PTPRT: variants seen among roughly 807,000 people sequenced by gnomAD.
PTPRT encodes protein tyrosine phosphatase receptor type T.
Under a neutral mutation model 176.8 loss-of-function variants are expected in PTPRT, and 56 were observed. That is an observed-to-expected ratio of 0.32 (90% CI 0.26 to 0.40). PTPRT has a LOEUF of 0.40. Among genes scored for constraint, PTPRT ranks in the 10% least tolerant of loss-of-function variants. The pLI, the probability that PTPRT is intolerant of heterozygous loss-of-function variation, is 1.00. For synonymous variants in PTPRT, 783 were observed against 739.0 expected, an observed-to-expected ratio of 1.06 and a Z score of -0.96; for missense variants, 1,540 against 1,908.2, an observed-to-expected ratio of 0.81 and a Z score of 3.60.
At chr20:42,214,205 TATGTC>T in intron 15 of PTPRT, among the ~76,000 whole-genome samples, 1 of 152,300 alleles carries the variant, frequency 6.6e-6, no homozygotes. Context: ...GATTCCCTGT[TATGTC>T]ACGCTTAGGC....
intron 6 of PTPRT, among the ~76,000 whole-genome samples, chr20:42,722,516 T>C (rs2076319111): frequency 1.3e-5 from 2 of 152,138 alleles, no homozygotes; most frequent in Admixed American, 1.3e-4. Flanking sequence ...CCAAAAGAAA[T>C]GCCTGTCGAT....
At chr20:42,239,413 C>CTTTTTTTTTTTTT (rs35978863) in intron 14 of PTPRT, among the ~76,000 whole-genome samples, 2 of 81,204 alleles carry the variant, frequency 2.5e-5, no homozygotes, top group Non-Finnish European at 4.6e-5. Flanking sequence ...CATTTTCTTT[C>CTTTTTTTTTTTTT]TTTTTTTTTT....
chr20:43,097,098 A>C (rs1316686903), intron 1 of PTPRT, among the ~76,000 whole-genome samples: 1 of 152,212 alleles, frequency 6.6e-6, no homozygotes, highest in African/African-American at 2.4e-5. Flanking sequence ...GGCCTCTGCA[A>C]AGGCATAATT....
Position 42,734,758 on chromosome 20 carries a change from A to G in PTPRT, c.859+21704T>C, listed in dbSNP as rs111819911. ...ATCTATTCCCTATGCCTCTCATTCC[A>G]GGAACTAGTCTGAAGGAGCTGTTGC... On this transcript the variant is annotated intron_variant, in intron 6 of 30. Coordinates refer to ENST00000373187, the MANE Select transcript of PTPRT (RefSeq NM_007050.6). Among the ~76,000 whole-genome samples the G allele has an allele frequency of 4.6e-5, 7 of 152,300 alleles. 1 individual carries two copies. Among genetic ancestry groups the G allele is most frequent in the African/African-American group, 1.4e-4 (6 of 41,556 alleles).
At chr20:43,077,358 C>T (rs1366096385) in intron 1 of PTPRT, among the ~76,000 whole-genome samples, 5 of 152,186 alleles carry the variant, frequency 3.3e-5, no homozygotes, top group African/African-American at 1.2e-4. Flanking sequence ...GAAGCTGAAT[C>T]CAAGTGGAAA....
intron 1 of PTPRT, among the ~76,000 whole-genome samples, chr20:43,037,434 G>T (rs1014179884): frequency 3.3e-5 from 5 of 152,128 alleles, no homozygotes; most frequent in Admixed American, 2.6e-4. Flanking sequence ...AAGCCTTCAG[G>T]GAACTGATGA....
At chr20:42,324,355 C>T (rs937105849) in intron 11 of PTPRT, among the ~76,000 whole-genome samples, 3 of 152,094 alleles carry the variant, frequency 2.0e-5, no homozygotes, top group African/African-American at 7.2e-5. Context: ...TTAGCAATTG[C>T]CTGGGACTGG....
chr20:43,062,553 C>T (rs1987512127), intron 1 of PTPRT, among the ~76,000 whole-genome samples: 2 of 152,182 alleles, frequency 1.3e-5, no homozygotes. Flanking sequence ...ATGTTCCTTA[C>T]TATTAGCTCT....
intron 1 of PTPRT, among the ~76,000 whole-genome samples, chr20:43,183,452 A>G (rs1286355690): frequency 1.3e-5 from 2 of 152,212 alleles, no homozygotes; most frequent in Non-Finnish European, 1.5e-5. Context: ...CCACATCACA[A>G]GTGCATTAGG....
chr20:42,558,572 A>G (rs998567500), intron 7 of PTPRT, among the ~76,000 whole-genome samples: 1 of 151,984 alleles, frequency 6.6e-6, no homozygotes, highest in Non-Finnish European at 1.5e-5. Context: ...TGTTGGTGGG[A>G]GTGTGTATTA....
intron 1 of PTPRT, among the ~76,000 whole-genome samples, chr20:43,099,447 C>A (rs2012304172): frequency 6.6e-6 from 1 of 152,172 alleles, no homozygotes; most frequent in African/African-American, 2.4e-5. Context: ...GTACTCTGGG[C>A]TAATGCTCTT....
intron 2 of PTPRT, among the ~76,000 whole-genome samples, chr20:42,850,682 C>T (rs563901385): frequency 6.6e-6 from 1 of 152,184 alleles, no homozygotes; most frequent in Non-Finnish European, 1.5e-5. Context: ...AGGCCAGCTG[C>T]TGGTTTAACC....
At chr20:42,159,254 C>G (rs149533340) in intron 17 of PTPRT, among the ~76,000 whole-genome samples, 4 of 150,938 alleles carry the variant, frequency 2.7e-5, no homozygotes, top group African/African-American at 9.8e-5. Flanking sequence ...TCCCATACTT[C>G]CAGTTTCTTT....
intron 1 of PTPRT, among the ~76,000 whole-genome samples, chr20:43,112,149 T>G (rs1298006930): frequency 1.3e-5 from 2 of 152,218 alleles, no homozygotes; most frequent in African/African-American, 4.8e-5. Flanking sequence ...CAGGGTGCTA[T>G]CCGAGGAACA....
chr20:42,231,939 G>T (rs1015979193), intron 15 of PTPRT, among the ~76,000 whole-genome samples: 2 of 152,112 alleles, frequency 1.3e-5, no homozygotes, highest in Admixed American at 6.5e-5. Context: ...GGGAAATATA[G>T]AATTCCTCTG....
intron 6 of PTPRT, among the ~76,000 whole-genome samples, chr20:42,700,015 A>G (rs937219122): frequency 6.6e-6 from 1 of 152,118 alleles, no homozygotes; most frequent in Non-Finnish European, 1.5e-5. Context: ...TCTCCCTGAC[A>G]ACAGCAGTGA....
chr20:43,132,908 T>TCA, intron 1 of PTPRT, among the ~76,000 whole-genome samples: 2 of 152,158 alleles, frequency 1.3e-5, no homozygotes, highest in Non-Finnish European at 2.9e-5. Flanking sequence ...TGACATATAA[T>TCA]TATATATGAG....
intron 11 of PTPRT, among the ~76,000 whole-genome samples, chr20:42,320,456 T>G (rs2057784375): frequency 6.6e-6 from 1 of 152,162 alleles, no homozygotes; most frequent in Non-Finnish European, 1.5e-5. Context: ...TTCAGAAAGT[T>G]GAAGTCAGGT....
chr20:42,740,804 C>A (rs1335786399), intron 6 of PTPRT, among the ~76,000 whole-genome samples: 1 of 152,136 alleles, frequency 6.6e-6, no homozygotes, highest in East Asian at 1.9e-4. Flanking sequence ...GGAGCCAGGG[C>A]AACATGGTAG....
Sources: allele counts gnomAD v4.1 joint callset (sites outside exome capture counted in the v4.1 genomes callset), GRCh38; gene constraint gnomAD v4.1.1; transcripts MANE v1.5; gene names NCBI Gene and HGNC (gene_info 2026-07-23, HGNC 2026-07-21).